The following DOK7 variants were observed in gnomAD, a reference collection of about 807,000 sequenced individuals.
DOK7 encodes protein Dok-7.
Under a neutral mutation model 30.7 loss-of-function variants are expected in DOK7, and 32 were observed. The ratio of observed to expected loss-of-function variants is 1.04; its 90% CI spans 0.79 to 1.40. DOK7 has a LOEUF of 1.40. DOK7 is among the 40% of genes most tolerant of loss of function. The pLI is 0.00. For synonymous variants in DOK7, 447 were observed against 324.1 expected (o/e 1.38, Z -4.07); for missense variants, 1,007 against 699.2 (o/e 1.44, Z -4.97).
chr4:3,463,460 G>C lies in DOK7; in HGVS notation c.54+31G>C, dbSNP rs762404326. 2.6e-5 allele frequency: 37 copies of C among 1,419,712 alleles called. No homozygotes were observed. The Middle Eastern group carries it at 1.3e-3, about 48-fold the overall frequency. The allele number at this position is 1,419,712 out of a possible 1,614,324, so 87.9% of individuals were successfully genotyped here. ...GGCGCGTCGGGGGCGCGGGGGGGGG[G>C]GGCGCGGGCGCGGGCGGCGGCTCAC... On this transcript the variant is annotated intron_variant, in intron 1 of 6. Transcript: ENST00000340083.
chr4:3,492,871 A>C lies in DOK7; in HGVS notation c.885A>C (p.Ser295=). The change falls in exon 7 of 7, where the codon TCA becomes TCC. Residue 295 remains serine, a synonymous_variant. Coordinates refer to ENST00000340083, the MANE Select transcript of DOK7 (RefSeq NM_173660.5). Reference sequence around the variant, plus strand: ...AATCCTCGTCGTCAGCCAGCACGTCACAGGAGGGGCCTAGACCAGCAGCTG... The same window carrying C: ...AATCCTCGTCGTCAGCCAGCACGTCCCAGGAGGGGCCTAGACCAGCAGCTG... ...PEQSSSSAST[S]QEGPRPAAAQ... The C allele has an allele frequency of 6.2e-7, 1 of 1,607,046 alleles. No individual in the cohort carries two copies. The highest frequency in any genetic ancestry group is 8.5e-7 in the Non-Finnish European group (1 of 1,178,008).
rs754271501 is a variant in DOK7 at position 3,464,092 on chromosome 4, G to C, written c.100+541G>C. Among the ~76,000 whole-genome samples, 49 of 152,206 alleles carry C rather than the reference G, an allele frequency of 3.2e-4. 3 individuals carry two copies. The highest frequency in any genetic ancestry group is 1.3e-4 in the Non-Finnish European group (9 of 68,020). On this transcript the variant is annotated intron_variant, in intron 2 of 6. Transcript: ENST00000340083. The stretch of plus-strand genomic sequence containing the variant: ...CCGCCCTGAGCCAGCACCCCAGCTT[G>C]GGGAGGGTCAGCATGGAGCCCCCAG...
rs373218911 is a variant in DOK7, at chr4:3,492,507, G to C, written c.773-252G>C. ...ACCAAGGTAGTGGCAGGGGTGCTGAGAGGGAGGGGCGCAGGCCGTAGGAGA... is the reference window on the plus strand; with the variant it reads ...ACCAAGGTAGTGGCAGGGGTGCTGACAGGGAGGGGCGCAGGCCGTAGGAGA... On this transcript the variant is annotated intron_variant, in intron 6 of 6. Coordinates refer to ENST00000340083, the MANE Select transcript of DOK7 (RefSeq NM_173660.5). Among the ~76,000 whole-genome samples, 404 of 152,220 alleles carry C rather than the reference G, an allele frequency of 2.7e-3. 3 individuals carry two copies. The highest frequency in any genetic ancestry group is 8.3e-3 in the African/African-American group (343 of 41,520).
chr4:3,485,005 A>T (rs1415371004), intron 4 of DOK7, among the ~76,000 whole-genome samples: 1 of 151,924 alleles, frequency 6.6e-6, no homozygotes, highest in East Asian at 1.9e-4. Flanking sequence ...ACCCTACTTG[A>T]TGTCTCTGGG....
intron 6 of DOK7, among the ~76,000 whole-genome samples, chr4:3,492,535 A>AG (rs1728543511): frequency 6.6e-6 from 1 of 152,072 alleles, no homozygotes; most frequent in Non-Finnish European, 1.5e-5. Flanking sequence ...GTAGGAGAAC[A>AG]GGTGGCAGAA....
chr4:3,484,838 G>A (rs908319893), intron 4 of DOK7: 5 of 985,368 alleles, frequency 5.1e-6, no homozygotes, highest in Non-Finnish European at 6.0e-6. Flanking sequence ...CAGCATGTGT[G>A]GGCAGGTGCC....
At chr4:3,484,883 C>T (rs1332778424) in intron 4 of DOK7, 3 of 985,190 alleles carry the variant, frequency 3.0e-6, no homozygotes, top group African/African-American at 1.7e-5. Flanking sequence ...GAATGCAGCC[C>T]TCCCAACAGC....
intron 3 of DOK7, among the ~76,000 whole-genome samples, 137 bp from the exon 4 acceptor site, chr4:3,476,185 ATGCCCTCTCACCTCACCCGC>A (rs1727053798): frequency 2.5e-5 from 2 of 80,620 alleles, no homozygotes; most frequent in African/African-American, 9.4e-5. Context: ...CCCACCCTCG[ATGCCCTCTCACCTCACCCGC>A]CCATGATGCC....
chr4:3,485,439 G>A (rs1727709798), intron 4 of DOK7, 100 bp from the exon 5 acceptor site: 2 of 1,372,928 alleles, frequency 1.5e-6, no homozygotes, highest in African/African-American at 1.5e-5. Flanking sequence ...GTCATTGTCG[G>A]CTCTTGGTGG....
chr4:3,498,128 G>A (rs113401287), downstream of DOK7, among the ~76,000 whole-genome samples: 3,558 of 152,266 alleles, frequency 0.023, 72 homozygotes, highest in Non-Finnish European at 0.032. Flanking sequence ...AGCCCAGGGC[G>A]GGGTCTGGGA....
In DOK7 at chr4:3,476,444, C is replaced by T. The variant is rs1162169417; in HGVS notation, c.434C>T (p.Pro145Leu). The T allele has an allele frequency of 6.2e-7, 1 of 1,613,622 alleles. No individual in the cohort carries two copies. The highest frequency in any genetic ancestry group is 1.3e-5 in the African/African-American group (1 of 74,898). ...GTCCTCGTCTTGGCCAGGGACATCC[C>T]CCCGGCTGTCACGGGGCAGTGGAAG... ...NDVLVLARDI[P>L]PAVTGQWKLS... The change falls in exon 4 of 7, where the codon CCC becomes CTC. Residue 145 changes from proline (P) to leucine (L), a missense_variant. By Grantham distance (98) the Pro-to-Leu change is moderately conservative (BLOSUM62 -3). Coordinates refer to ENST00000340083, the MANE Select transcript of DOK7 (RefSeq NM_173660.5).
chr4:3,467,597 G>A (rs1726378986), intron 2 of DOK7, among the ~76,000 whole-genome samples: 1 of 152,116 alleles, frequency 6.6e-6, no homozygotes, highest in African/African-American at 2.4e-5. Flanking sequence ...ATGTGCACCT[G>A]TACACACCGT....
chr4:3,480,088 C>A (rs1727351095), intron 4 of DOK7, among the ~76,000 whole-genome samples: 1 of 152,004 alleles, frequency 6.6e-6, no homozygotes, highest in African/African-American at 2.4e-5. Context: ...GTGGTGGGCC[C>A]CAGAGAGGGT....
chr4:3,497,863 G>GT (rs545538919), downstream of DOK7, among the ~76,000 whole-genome samples: 13 of 152,266 alleles, frequency 8.5e-5, no homozygotes, highest in South Asian at 2.7e-3. Flanking sequence ...CAGACCAGAG[G>GT]TGGTGGGGCC....
At position 3,493,069 on chromosome 4, in the gene DOK7, C is replaced by T. The variant is rs554026540; in HGVS notation, c.1083C>T (p.Asp361=). The change falls in exon 7 of 7, where the codon GAC becomes GAT. Residue 361 remains aspartate (D), a synonymous_variant. Coordinates refer to ENST00000340083, the MANE Select transcript of DOK7 (RefSeq NM_173660.5). ...CGTCCTACGCGGGCAGCAGCCTGGA[C>T]GTGTGGCGGGCCACAGATGAACTGG... is the stretch of plus-strand genomic sequence containing the variant. ...SLSSYAGSSL[D]VWRATDELGS... 1.2e-5 allele frequency: 19 copies of T among 1,575,394 alleles called. No individual in the cohort carries two copies. The highest frequency in any genetic ancestry group is 3.6e-5 in the Admixed American group (2 of 55,400).
chr4:3,486,186 C>T (rs1312734603), intron 5 of DOK7, among the ~76,000 whole-genome samples: 2 of 152,188 alleles, frequency 1.3e-5, no homozygotes, highest in African/African-American at 4.8e-5. Context: ...TTGTCTCACC[C>T]ACACTTCCTT....
rs56769879 is a variant in DOK7 at position 3,493,129 on chromosome 4, C to G, written c.1143C>G (p.Pro381=). The change falls in exon 7 of 7, where the codon CCC becomes CCG. Residue 381 remains proline, a synonymous_variant. Transcript: ENST00000340083. ...SLLSLPAAGA[P]EPSLCTCLPG... is the part of the protein sequence containing the mutation. Reference sequence around the variant, plus strand: ...TCAGCCTGCCAGCAGCGGGGGCCCCCGAGCCCAGCCTGTGCACCTGCCTGC... The same window carrying G: ...TCAGCCTGCCAGCAGCGGGGGCCCCGGAGCCCAGCCTGTGCACCTGCCTGC... 22 of 1,594,468 alleles carry G rather than the reference C, an allele frequency of 1.4e-5. No homozygotes were observed. The highest frequency in any genetic ancestry group is 1.8e-5 in the Non-Finnish European group (21 of 1,173,360).
rs1227023465 is a variant in DOK7 at position 3,493,825 on chromosome 4, C to G, written c.*324C>G. Reference sequence around the variant, plus strand: ...CACCTCTGTTGGCTCGTGCCTTGCACTGGGGTGCCAAGGGCTGGAGGCCCT... The same window carrying G: ...CACCTCTGTTGGCTCGTGCCTTGCAGTGGGGTGCCAAGGGCTGGAGGCCCT... On this transcript the variant is annotated 3_prime_UTR_variant, in exon 7 of 7. Coordinates refer to ENST00000340083, the MANE Select transcript of DOK7 (RefSeq NM_173660.5). The G allele has an allele frequency of 1.6e-6, 2 of 1,237,112 alleles. No homozygotes were observed. Among genetic ancestry groups the G allele is most frequent in the Non-Finnish European group, 2.0e-6 (2 of 987,342 alleles). 76.6% of individuals were successfully genotyped at this position (1,237,112 alleles called of 1,614,324 possible).
rs1577171863 is a variant in DOK7, at chr4:3,489,673, A to G, written c.653-4A>G. ...TCCTCCACCGAGTCTTCTCTCTGCC[A>G]CAGACCCAAGTCCCCCGGGACCCTC... On this transcript the variant is annotated splice_polypyrimidine_tract_variant and splice_region_variant and intron_variant, in intron 5 of 6. Coordinates refer to ENST00000340083, the MANE Select transcript of DOK7 (RefSeq NM_173660.5). The G allele has an allele frequency of 2.6e-6, 4 of 1,565,676 alleles. No homozygotes were observed. The highest frequency in any genetic ancestry group is 2.4e-5 in the East Asian group (1 of 41,968).
Sources: gnomAD v4.1 joint callset for allele counts (sites outside exome capture counted in the v4.1 genomes callset) on GRCh38, gnomAD v4.1.1 for gene constraint, MANE v1.5 for transcripts, NCBI Gene and HGNC (gene_info 2026-07-23, HGNC 2026-07-21) for gene names.